The following ADGRD2 variants were observed in gnomAD, a reference collection of about 807,000 sequenced individuals.
ADGRD2 encodes G protein-coupled receptor PGR24.
A neutral mutation model predicts 44.4 loss-of-function variants in ADGRD2; 71 were observed. The ratio of observed to expected loss-of-function variants is 1.60; its 90% CI spans 1.32 to 1.95. ADGRD2 has a LOEUF of 1.95. Among genes scored for constraint, ADGRD2 ranks in the 30% most tolerant of loss-of-function variants. The probability of loss-of-function intolerance (pLI) is 0.00; values close to 1 mark genes in which losing one functional copy is unlikely to be tolerated. For synonymous variants in ADGRD2, 481 were observed against 224.8 expected, an observed-to-expected ratio of 2.14 and a Z score of -10.19; for missense variants, 1,039 against 512.4, an observed-to-expected ratio of 2.03 and a Z score of -9.92.
intron 6 of ADGRD2, 142 bp downstream of exon 9, chr9:124,455,269 C>T: frequency 1.7e-6 from 1 of 571,588 alleles, no homozygotes; most frequent in Non-Finnish European, 3.1e-6. Context: ...TCTCTTTTGT[C>T]TATTTGATAA....
intron 10 of ADGRD2, among the ~76,000 whole-genome samples, chr9:124,459,520 T>C (rs1354897570): frequency 6.6e-6 from 1 of 151,780 alleles, no homozygotes; most frequent in African/African-American, 2.4e-5. Context: ...TTTGTAGATA[T>C]ATATGGTCAG....
At position 124,455,132 on chromosome 9, in the gene ADGRD2, G is replaced by T; in HGVS notation, c.1393+5G>T. The T allele has an allele frequency of 1.4e-6, 1 of 691,146 alleles. No individual in the cohort carries two copies. The highest frequency in any genetic ancestry group is 2.7e-6 in the Non-Finnish European group (1 of 368,406). The allele number at this position is 691,146 out of a possible 1,614,324, so 42.8% of individuals were successfully genotyped here. On this transcript the variant is annotated splice_donor_5th_base_variant and intron_variant, in intron 6 of 21. Transcript: ENST00000334810. ...ACATGGCTCTCCCTCCGTGAAGTGAGGCTGGCAGGGCTGGGTGGGGCAGGG... is the reference window on the plus strand; with the variant it reads ...ACATGGCTCTCCCTCCGTGAAGTGATGCTGGCAGGGCTGGGTGGGGCAGGG...
chr9:124,452,151 C>T, exon 1 of ADGRD2: 1 of 717,090 alleles, frequency 1.4e-6, no homozygotes, highest in African/African-American at 1.7e-5. Context: ...CCCTTGGGCC[C>T]CAGGTTGGTA....
chr9:124,477,067 C>T, intron 21 of ADGRD2: 1 of 538,272 alleles, frequency 1.9e-6, no homozygotes, highest in Middle Eastern at 2.9e-4. Flanking sequence ...CTAAGCCCAG[C>T]ACCCCCCGTC....
chr9:124,472,502 GTTTTGTT>G (rs1831968302), intron 17 of ADGRD2, among the ~76,000 whole-genome samples: 2 of 146,198 alleles, frequency 1.4e-5, no homozygotes, highest in South Asian at 4.3e-4. Flanking sequence ...TTTTTGTTTT[GTTTTGTT>G]TTGTTTTGTT....
chr9:124,464,840 G>T (rs948026936), intron 10 of ADGRD2, among the ~76,000 whole-genome samples: 1 of 152,000 alleles, frequency 6.6e-6, no homozygotes, highest in African/African-American at 2.4e-5. Context: ...TCACAAGTAT[G>T]CAGACCTTAA....
At chr9:124,461,088 G>A (rs1022285421) in intron 10 of ADGRD2, among the ~76,000 whole-genome samples, 2 of 152,172 alleles carry the variant, frequency 1.3e-5, no homozygotes, top group Admixed American at 6.5e-5. Flanking sequence ...TTATTAAGCA[G>A]TCATATATCT....
At position 124,457,587 on chromosome 9, in the gene ADGRD2, G is replaced by GAA; in HGVS notation, c.1622_1623insAA (p.Arg542LysfsTer14). On this transcript the variant is annotated frameshift_variant, in exon 8 of 22. Coordinates refer to ENST00000334810, the Ensembl canonical transcript of ADGRD2. LOFTEE classifies it high-confidence loss of function. ...ATATCCACATTCCTGCGAGTGAAGT[G>GAA]AGGCGACTCCTCAGGAAAGGTGGGT... The GAA allele has an allele frequency of 7.5e-6, 5 of 667,450 alleles. No homozygotes were observed. The highest frequency in any genetic ancestry group is 1.4e-5 in the Non-Finnish European group (5 of 365,556). 41.3% of individuals were successfully genotyped at this position (667,450 alleles called of 1,614,324 possible).
chr9:124,478,020 G>C lies in ADGRD2; in HGVS notation c.*19-261G>C, dbSNP rs575663597. 7.7e-3 allele frequency among the ~76,000 whole-genome samples: 1,154 copies of C among 149,352 alleles called. 17 individuals are homozygous for C. The highest frequency in any genetic ancestry group is 0.027 in the African/African-American group (1,097 of 40,892). On this transcript the variant is annotated intron_variant, in intron 21 of 21. Transcript: ENST00000334810. ...CCGCTTCCAGCCCCGACCCCACCCC[G>C]CGGGCCACTCAGCGGCCCGAGCTGG...
At chr9:124,453,506 G>A (rs1387241613) in exon 3 of ADGRD2, 1 of 701,588 alleles carries the variant, frequency 1.4e-6, no homozygotes, top group East Asian at 2.8e-5. Context: ...GCCCTCAGCG[G>A]CAACCTCACC....
intron 2 of ADGRD2, 140 bp downstream of exon 5, chr9:124,452,862 C>T (rs1831515804): frequency 3.3e-6 from 2 of 611,870 alleles, no homozygotes; most frequent in Admixed American, 2.7e-5. Context: ...TTGCCCTGGA[C>T]TGGGCGTCGG....
rs1205880160 is a variant in ADGRD2 at position 124,468,045 on chromosome 9, C to T, written c.2131-43C>T. 9 of 718,182 alleles carry T rather than the reference C, an allele frequency of 1.3e-5. 1 individual carries two copies. The South Asian group carries it at 1.3e-4, about 11-fold the overall frequency. The allele number at this position is 718,182 out of a possible 1,614,324, so 44.5% of individuals were successfully genotyped here. ...ACAGGGCCCTACGGGGTGTGGGGAC[C>T]AGCAGTGGTGTTCTTGTTAACTGAC... On this transcript the variant is annotated intron_variant, in intron 12 of 21. Coordinates refer to ENST00000334810, the Ensembl canonical transcript of ADGRD2.
At chr9:124,478,069 C>A (rs13288749) in intron 21 of ADGRD2, among the ~76,000 whole-genome samples, 76,525 of 151,876 alleles carry the variant, frequency 0.5, 19,597 homozygotes, top group East Asian at 0.7. Flanking sequence ...CGGAGGCTGC[C>A]GGGCTGTGTC....
intron 19 of ADGRD2, 31 bp from the exon 23 acceptor site, chr9:124,476,326 G>A (rs574187329): frequency 3.7e-5 from 25 of 681,298 alleles, no homozygotes; most frequent in Admixed American, 8.3e-5. Context: ...TCCTGCCTTC[G>A]TCTCTCAAAA....
chr9:124,454,609 A>C lies in ADGRD2; in HGVS notation c.1108+40A>C. 1 of 707,382 alleles carries C rather than the reference A, an allele frequency of 1.4e-6. No homozygotes were observed. Among genetic ancestry groups the C allele is most frequent in the South Asian group, 1.5e-5 (1 of 67,316 alleles). The allele number at this position is 707,382 out of a possible 1,614,324, so 43.8% of individuals were successfully genotyped here. ...AGGGGCTGGAAAGCCTGGGGGCTCC[A>C]TGGGTCACCTCGCTGCACCTCAGTT... On this transcript the variant is annotated intron_variant, in intron 5 of 21. Transcript: ENST00000334810. The surrounding 1 kb of genome is among the most constrained non-coding windows in gnomAD (Gnocchi z 4.5).
At position 124,468,678 on chromosome 9, in the gene ADGRD2, G is replaced by T. The variant is rs1486759638; in HGVS notation, c.2387+6G>T. The T allele has an allele frequency of 1.4e-6, 1 of 711,710 alleles. No homozygotes were observed. The allele number at this position is 711,710 out of a possible 1,614,324, so 44.1% of individuals were successfully genotyped here. On this transcript the variant is annotated splice_donor_region_variant and intron_variant, in intron 14 of 21. Coordinates refer to ENST00000334810, the Ensembl canonical transcript of ADGRD2. ...CTACCACGCCACAGGCTGGGGTGAG[G>T]CCTGCTCTGCACCCACACTCTCTTC...
At chr9:124,459,980 T>C (rs1036616665) in intron 10 of ADGRD2, among the ~76,000 whole-genome samples, 2 of 152,148 alleles carry the variant, frequency 1.3e-5, no homozygotes, top group Non-Finnish European at 2.9e-5. Flanking sequence ...CTCCAAGATA[T>C]GTTAAATTTC....
exon 8 of ADGRD2, chr9:124,457,497 G>C: frequency 1.5e-6 from 1 of 668,126 alleles, no homozygotes; most frequent in Non-Finnish European, 2.7e-6. Context: ...GCTTACGCTT[G>C]AGGGAGGCCA....
rs1416300670 is a variant in ADGRD2, at chr9:124,454,907, T to C, written c.1175T>C (p.Leu392Pro). The change falls in exon 6 of 22, where the codon CTG becomes CCG. Residue 392 changes from leucine (L) to proline (P), a missense_variant. Leu to Pro is a moderately conservative substitution (Grantham distance 98). Transcript: ENST00000334810. The surrounding 1 kb of genome is among the most constrained non-coding windows in gnomAD (Gnocchi z 4.5). The stretch of plus-strand genomic sequence containing the variant: ...TCCCCAGCGGAGGCCTCCAGCTTCC[T>C]GGGCCTTCTGGAGCATGTCCTGGCG... 4.2e-6 allele frequency: 3 copies of C among 715,188 alleles called. No homozygotes were observed. In the Admixed American group the frequency reaches 6.0e-5, roughly 14 times the overall value. The allele number at this position is 715,188 out of a possible 1,614,324, so 44.3% of individuals were successfully genotyped here. A position where few individuals can be genotyped will look rare whatever the true frequency, so the allele number is the denominator to read the frequency against.
Sources: allele counts gnomAD v4.1 joint callset (sites outside exome capture counted in the v4.1 genomes callset), GRCh38; gene constraint gnomAD v4.1.1; non-coding constraint Gnocchi (gnomAD v3.1); transcripts MANE v1.5; gene names NCBI Gene and HGNC (gene_info 2026-07-23, HGNC 2026-07-21).